Variants in TRPM1 observed in about 807,000 individuals in gnomAD.
TRPM1 encodes transient receptor potential cation channel subfamily M member 1.
A neutral mutation model predicts 149.4 loss-of-function variants in TRPM1; 113 were observed. The ratio of observed to expected loss-of-function variants is 0.76; its 90% confidence interval spans 0.65 to 0.88. The LOEUF is 0.88. Ranked by LOEUF, TRPM1 falls within the 40% of genes least tolerant of loss-of-function variation. The pLI, the probability that TRPM1 is intolerant of heterozygous loss-of-function variation, is 0.00. For missense variants in TRPM1, 1,976 were observed against 2,038.7 expected, an observed-to-expected ratio of 0.97 and a Z score of 0.59; for synonymous variants, 741 against 759.5, an observed-to-expected ratio of 0.98 and a Z score of 0.40.
At chr15:31,062,497 T>C in intron 9 of TRPM1, 82 bp downstream of exon 9, 1 of 1,559,792 alleles carries the variant, frequency 6.4e-7, no homozygotes, top group South Asian at 1.1e-5. Flanking sequence ...AATAACCCTG[T>C]CATGCACACA....
At chr15:31,109,806 A>G (rs1257498770) in intron 1 of TRPM1, among the ~76,000 whole-genome samples, 5 of 151,916 alleles carry the variant, frequency 3.3e-5, no homozygotes, top group Non-Finnish European at 7.4e-5. Flanking sequence ...AGAGTTGGAG[A>G]TGACAGACAG....
At chr15:31,088,852 C>T (rs143347471) in intron 1 of TRPM1, among the ~76,000 whole-genome samples, 48 of 128,180 alleles carry the variant, frequency 3.7e-4, no homozygotes, top group African/African-American at 1.3e-3. Flanking sequence ...GCGATAAGCC[C>T]TGCTGCGGGT....
In TRPM1 at chr15:31,060,376, C is replaced by T. The variant is rs921298717; in HGVS notation, c.1263+168G>A. 3 of 673,284 alleles carry T rather than the reference C, an allele frequency of 4.5e-6. No homozygotes were observed. The Admixed American group carries it at 6.6e-5, about 15-fold the overall frequency. The allele number at this position is 673,284 out of a possible 1,614,324, so 41.7% of individuals were successfully genotyped here. A position where few individuals can be genotyped will look rare whatever the true frequency, so the allele number is the denominator to read the frequency against. ...AATGTGGAATTACTTCTTGTTGGTTCTTTGAAGTTAAACAGTGACATCTTC... is the reference window on the plus strand; with the variant it reads ...AATGTGGAATTACTTCTTGTTGGTTTTTTGAAGTTAAACAGTGACATCTTC... On this transcript the variant is annotated intron_variant, in intron 11 of 27. Coordinates refer to ENST00000256552, the MANE Select transcript of TRPM1 (RefSeq NM_001252024.2).
intron 16 of TRPM1, among the ~76,000 whole-genome samples, chr15:31,042,475 T>C (rs965407060): frequency 3.3e-5 from 5 of 152,216 alleles, no homozygotes; most frequent in African/African-American, 1.2e-4. Flanking sequence ...TTTGGATAAC[T>C]TGCACCCCTG....
Position 31,132,146 on chromosome 15 carries a change from G to C in TRPM1, c.54+28760C>G, listed in dbSNP as rs191273652. Among the ~76,000 whole-genome samples, 386 of 152,328 alleles carry C rather than the reference G, an allele frequency of 2.5e-3. 1 individual carries two copies. The highest frequency in any genetic ancestry group is 8.8e-3 in the African/African-American group (365 of 41,568). On this transcript the variant is annotated intron_variant, in intron 1 of 26. Transcript: ENST00000542188. The stretch of plus-strand genomic sequence containing the variant: ...TGCCTTCCTGATGGCCCACTGTCTT[G>C]GGTTTGCATGGGCCTATTGGCAGCC...
intron 6 of TRPM1, among the ~76,000 whole-genome samples, chr15:31,066,748 CGGGGT>C (rs974077283): frequency 1.3e-5 from 2 of 152,018 alleles, no homozygotes; most frequent in Non-Finnish European, 2.9e-5. Flanking sequence ...TCTTGAAATG[CGGGGT>C]GGTGCAGATT....
chr15:31,101,383 C>T (rs533819761), intron 1 of TRPM1, among the ~76,000 whole-genome samples: 1 of 152,314 alleles, frequency 6.6e-6, no homozygotes, highest in South Asian at 2.1e-4. Context: ...TCTTGGAACC[C>T]AGGCTGAACA....
intron 9 of TRPM1, 67 bp downstream of exon 9, chr15:31,062,512 C>T (rs923619593): frequency 5.9e-5 from 94 of 1,596,524 alleles, no homozygotes; most frequent in Middle Eastern, 1.7e-4. Flanking sequence ...CACACATGGG[C>T]GGAATTAGAA....
intron 1 of TRPM1, among the ~76,000 whole-genome samples, chr15:31,096,988 G>T (rs978135897): frequency 6.6e-6 from 1 of 152,338 alleles, no homozygotes; most frequent in East Asian, 1.9e-4. Context: ...TCAGCGTGAC[G>T]GTGGAGGCTG....
At chr15:31,151,317 T>C (rs983919947) in intron 1 of TRPM1, among the ~76,000 whole-genome samples, 1 of 152,222 alleles carries the variant, frequency 6.6e-6, no homozygotes, top group Non-Finnish European at 1.5e-5. Flanking sequence ...TACTCAAGTC[T>C]AAGACCCCTC....
chr15:31,011,553 G>T (rs889689482), intron 27 of TRPM1, among the ~76,000 whole-genome samples: 4 of 151,824 alleles, frequency 2.6e-5, no homozygotes, highest in African/African-American at 9.7e-5. Context: ...ACCACACCTG[G>T]CTCTTGTTCT....
upstream of TRPM1, among the ~76,000 whole-genome samples, chr15:31,104,862 G>A (rs577068713): frequency 2.0e-5 from 3 of 152,168 alleles, no homozygotes; most frequent in East Asian, 5.8e-4. Context: ...CCAAAGTGCT[G>A]GGATTACAGG....
At chr15:31,113,458 G>A (rs1048096104) in intron 1 of TRPM1, among the ~76,000 whole-genome samples, 8 of 151,126 alleles carry the variant, frequency 5.3e-5, no homozygotes, top group Admixed American at 1.3e-4. Context: ...AATCTCTAAG[G>A]TATAGAGATA....
At position 31,071,979 on chromosome 15, in the gene TRPM1, ACAT is replaced by A. The variant is rs1406927450; in HGVS notation, c.84-1756_84-1754del. Among the ~76,000 whole-genome samples, 28 of 83,606 alleles carry A rather than the reference ACAT, an allele frequency of 3.3e-4. 1 individual carries two copies. Among genetic ancestry groups the A allele is most frequent in the African/African-American group, 5.0e-4 (9 of 17,902 alleles). The allele number at this position is 83,606 out of a possible 152,430, so 54.8% of individuals were successfully genotyped here. On this transcript the variant is annotated intron_variant, in intron 3 of 27. Coordinates refer to ENST00000256552, the MANE Select transcript of TRPM1 (RefSeq NM_001252024.2). ...ACTCCGTCTCAAAAAAAAAAAAAAA[ACAT>A]ATATATATATATATATATATATATA...
chr15:31,073,537 T>G (rs2034613665), intron 3 of TRPM1, among the ~76,000 whole-genome samples: 1 of 152,122 alleles, frequency 6.6e-6, no homozygotes, highest in Non-Finnish European at 1.5e-5. Context: ...TACATTTGAT[T>G]TTTGTGTATT....
At chr15:31,077,286 A>T (rs1180785632) in intron 2 of TRPM1, among the ~76,000 whole-genome samples, 1 of 152,206 alleles carries the variant, frequency 6.6e-6, no homozygotes, top group Non-Finnish European at 1.5e-5. Context: ...GATAAACTGC[A>T]GTGCAAGTGT....
At chr15:31,065,053 A>C (rs1411060302) in intron 7 of TRPM1, 2 of 534,710 alleles carry the variant, frequency 3.7e-6, no homozygotes, top group East Asian at 1.1e-4. Context: ...GGGAAGTGAC[A>C]ACTGAGCACC....
chr15:31,132,180 C>A (rs1225498493), intron 1 of TRPM1, among the ~76,000 whole-genome samples: 1 of 152,214 alleles, frequency 6.6e-6, no homozygotes, highest in Non-Finnish European at 1.5e-5. Flanking sequence ...CCGGGTTGAC[C>A]CCAAGGTTGG....
In TRPM1 at chr15:31,040,222, C is replaced by T. The variant is rs747757406; in HGVS notation, c.2212G>A (p.Val738Met). Residue 738 changes from valine (V) to methionine (M), a missense_variant, in exon 18 of 28, where the codon GTG (valine) becomes ATG (methionine). Coordinates refer to ENST00000256552, the MANE Select transcript of TRPM1 (RefSeq NM_001252024.2). This position sits in a 1 kb window ranked among gnomAD's most constrained non-coding sequence, Gnocchi z 4.2. ...WSNSTCLKLAVAAKHRDFIAH... is the reference protein window; with the variant it reads ...WSNSTCLKLAMAAKHRDFIAH... ...ATGAAGTCCCGGTGTTTGGCTGCCA[C>T]GGCCAGTTTGAGGCAGGTCGAGTTG... 1.4e-5 allele frequency: 22 copies of T among 1,614,212 alleles called. No homozygotes were observed. Among genetic ancestry groups the T allele is most frequent in the South Asian group, 2.2e-5 (2 of 91,082 alleles).
Sources: allele counts gnomAD v4.1 joint callset (sites outside exome capture counted in the v4.1 genomes callset), GRCh38; gene constraint gnomAD v4.1.1; non-coding constraint Gnocchi (gnomAD v3.1); transcripts MANE v1.5; gene names NCBI Gene and HGNC (gene_info 2026-07-23, HGNC 2026-07-21).